The following TMEM271 variants were observed in gnomAD, a reference collection of about 807,000 sequenced individuals.
The protein encoded by TMEM271 is transmembrane protein 271.
Position 574,884 on chromosome 4 carries a change from A to T in TMEM271, c.*21T>A, listed in dbSNP as rs916587606. On this transcript the variant is annotated 3_prime_UTR_variant, in exon 1 of 1. Transcript: ENST00000610212. ...GTGGAACGCAAGCGCGGTCCGCGGG[A>T]TGGGGGTCCGGCCCGCGGGATCAGC... The T allele has an allele frequency of 4.5e-5, 18 of 395,656 alleles. No individual in the cohort carries two copies. The highest frequency in any genetic ancestry group is 7.6e-5 in the Non-Finnish European group (17 of 224,250). The allele number at this position is 395,656 out of a possible 1,614,324, so 24.5% of individuals were successfully genotyped here. A position where few individuals can be genotyped will look rare whatever the true frequency, so the allele number is the denominator to read the frequency against.
chr4:574,679 T>C lies in TMEM271; in HGVS notation c.*226A>G. The C allele has an allele frequency of 2.6e-6, 1 of 387,010 alleles. No individual in the cohort carries two copies. The highest frequency in any genetic ancestry group is 4.6e-6 in the Non-Finnish European group (1 of 219,092). The allele number at this position is 387,010 out of a possible 1,614,324, so 24.0% of individuals were successfully genotyped here. A position where few individuals can be genotyped will look rare whatever the true frequency, so the allele number is the denominator to read the frequency against. ...AACGACACAAATAAGAAGAGAAACC[T>C]CCCAGATACAGAAATGGTCACATCA... On this transcript the variant is annotated 3_prime_UTR_variant, in exon 1 of 1. Coordinates refer to ENST00000610212, the MANE Select transcript of TMEM271 (RefSeq NM_001362796.2).
rs755134155 is a variant in TMEM271, at chr4:574,822, C to G, written c.*83G>C. ...CCTGGACCCCGCCCCGCTGCCCGTC[C>G]TCCCTTGCCGCGGGGGTCCTGAGCG... On this transcript the variant is annotated 3_prime_UTR_variant, in exon 1 of 1. Transcript: ENST00000610212. 691 of 393,776 alleles carry G rather than the reference C, an allele frequency of 1.8e-3. 4 individuals are homozygous for G. The highest frequency in any genetic ancestry group is 8.9e-3 in the Middle Eastern group (14 of 1,572). 24.4% of individuals were successfully genotyped at this position (393,776 alleles called of 1,614,324 possible).
Position 575,527 on chromosome 4 carries a change from G to A in TMEM271, c.536C>T (p.Pro179Leu), listed in dbSNP as rs1214668935. 5 of 311,788 alleles carry A rather than the reference G, an allele frequency of 1.6e-5. No homozygotes were observed. The South Asian group carries it at 7.1e-4, about 44-fold the overall frequency. The allele number at this position is 311,788 out of a possible 1,614,324, so 19.3% of individuals were successfully genotyped here. Residue 179 changes from proline to leucine, a missense_variant, in exon 1 of 1, where the codon CCG (proline) becomes CTG (leucine). Coordinates refer to ENST00000610212, the MANE Select transcript of TMEM271 (RefSeq NM_001362796.2). ...SAPGSTPGSAPGSAPGSAPGS... is the reference protein window; with the variant it reads ...SAPGSTPGSALGSAPGSAPGS... ...CGGCGCCGAGCCGGGGGCCGAGCCC[G>A]GGGCCGAGCCGGGGGTTGAGCCCGG... is the stretch of plus-strand genomic sequence containing the variant.
Position 575,600 on chromosome 4 carries a change from G to A in TMEM271, c.463C>T (p.His155Tyr), listed in dbSNP as rs1401614888. The change falls in exon 1 of 1, where the codon CAC becomes TAC. Residue 155 changes from histidine to tyrosine, a missense_variant. Physicochemically the swap from His to Tyr is moderately conservative, Grantham distance 83 (BLOSUM62 2). Coordinates refer to ENST00000610212, the MANE Select transcript of TMEM271 (RefSeq NM_001362796.2). ...GGCGCCCGCGGGGGCAGGCAGTAGT[G>A]CGAGTACTTGCGCTCCACCAGGGAC... ...TVSLVERKYS[H>Y]YCLPPRAPGS... The A allele has an allele frequency of 2.8e-6, 1 of 353,692 alleles. No individual in the cohort carries two copies. Among genetic ancestry groups the A allele is most frequent in the African/African-American group, 2.1e-5 (1 of 46,536 alleles). 21.9% of individuals were successfully genotyped at this position (353,692 alleles called of 1,614,324 possible).
chr4:574,218 C>G lies in TMEM271; in HGVS notation c.*687G>C, dbSNP rs188100778. The G allele has an allele frequency of 6.6e-6, 1 of 152,314 alleles. No individual in the cohort carries two copies. The highest frequency in any genetic ancestry group is 1.5e-5 in the Non-Finnish European group (1 of 68,024). The allele number at this position is 152,314 out of a possible 1,614,324, so 9.4% of individuals were successfully genotyped here. On this transcript the variant is annotated 3_prime_UTR_variant, in exon 1 of 1. Coordinates refer to ENST00000610212, the MANE Select transcript of TMEM271 (RefSeq NM_001362796.2). ...CTGTTCAAACTCAACATTTGTCCGA[C>G]CAAATGAAACCATTTCCCCCCACAC... is the stretch of plus-strand genomic sequence containing the variant.
In TMEM271 at chr4:575,194, C is replaced by A; in HGVS notation, c.869G>T (p.Arg290Leu). 2.7e-6 allele frequency: 1 copy of A among 374,374 alleles called. No homozygotes were observed. The highest frequency in any genetic ancestry group is 1.3e-4 in the South Asian group (1 of 7,698). The allele number at this position is 374,374 out of a possible 1,614,324, so 23.2% of individuals were successfully genotyped here. The change falls in exon 1 of 1, where the codon CGG becomes CTG. Residue 290 changes from arginine (R) to leucine (L), a missense_variant. Coordinates refer to ENST00000610212, the MANE Select transcript of TMEM271 (RefSeq NM_001362796.2). Reference sequence around the variant, plus strand: ...GGCCTCGCTCGGCCGCTGCTGCAGCCGCCGCCCCCGCCGGCCCCGCCGGCC... The same window carrying A: ...GGCCTCGCTCGGCCGCTGCTGCAGCAGCCGCCCCCGCCGGCCCCGCCGGCC... ...RRGRRGRRGRRLQQRPSEASI... is the reference protein window; with the variant it reads ...RRGRRGRRGRLLQQRPSEASI...
Position 575,125 on chromosome 4 carries a change from T to C in TMEM271, c.938A>G (p.Asp313Gly), listed in dbSNP as rs1159651271. The change falls in exon 1 of 1, where the codon GAC (aspartate) becomes GGC (glycine). Residue 313 changes from aspartate (D) to glycine (G), a missense_variant. Transcript: ENST00000610212. ...PEESDLAAPGDCAGFAAHHAV... is the reference protein window; with the variant it reads ...PEESDLAAPGGCAGFAAHHAV... ...GTGGTGCGCCGCGAAGCCCGCGCAG[T>C]CCCCGGGGGCGGCCAGGTCCGACTC... 1 of 394,704 alleles carries C rather than the reference T, an allele frequency of 2.5e-6. No individual in the cohort carries two copies. Among genetic ancestry groups the C allele is most frequent in the Non-Finnish European group, 4.5e-6 (1 of 224,032 alleles). The allele number at this position is 394,704 out of a possible 1,614,324, so 24.5% of individuals were successfully genotyped here.
chr4:574,050 G>A lies in TMEM271; in HGVS notation c.*855C>T, dbSNP rs981184284. 2.7e-5 allele frequency: 4 copies of A among 150,562 alleles called. No individual in the cohort carries two copies. Among genetic ancestry groups the A allele is most frequent in the Non-Finnish European group, 4.4e-5 (3 of 67,874 alleles). 9.3% of individuals were successfully genotyped at this position (150,562 alleles called of 1,614,324 possible). A position where few individuals can be genotyped will look rare whatever the true frequency, so the allele number is the denominator to read the frequency against. On this transcript the variant is annotated 3_prime_UTR_variant, in exon 1 of 1. Transcript: ENST00000610212. ...AATCAAAAATAAGATCTGCTTTGCA[G>A]TCGAAACCACACAACCAGTTTCCAA...
Position 574,210 on chromosome 4 carries a change from T to A in TMEM271, c.*695A>T, listed in dbSNP as rs1466089875. On this transcript the variant is annotated 3_prime_UTR_variant, in exon 1 of 1. Coordinates refer to ENST00000610212, the MANE Select transcript of TMEM271 (RefSeq NM_001362796.2). ...GAATACAACTGTTCAAACTCAACAT[T>A]TGTCCGACCAAATGAAACCATTTCC... 6.6e-6 allele frequency: 1 copy of A among 152,254 alleles called. No homozygotes were observed. The highest frequency in any genetic ancestry group is 1.9e-4 in the East Asian group (1 of 5,204). 9.4% of individuals were successfully genotyped at this position (152,254 alleles called of 1,614,324 possible).
In TMEM271 at chr4:575,529, G is replaced by GGCCGAGCCCGGC. The variant is rs1420191708; in HGVS notation, c.533_534insGCCGGGCTCGGC (p.Ser189_Gly192dup). The GGCCGAGCCCGGC allele has an allele frequency of 3.2e-6, 1 of 315,202 alleles. No individual in the cohort carries two copies. Among genetic ancestry groups the GGCCGAGCCCGGC allele is most frequent in the Non-Finnish European group, 5.8e-6 (1 of 172,606 alleles). 19.5% of individuals were successfully genotyped at this position (315,202 alleles called of 1,614,324 possible). ...GCGCCGAGCCGGGGGCCGAGCCCGGGGCCGAGCCGGGGGTTGAGCCCGGGG... is the reference window on the plus strand; with the variant it reads ...GCGCCGAGCCGGGGGCCGAGCCCGGGGCCGAGCCCGGCGCCGAGCCGGGGGTTGAGCCCGGGG... On this transcript the variant is annotated inframe_insertion, in exon 1 of 1. Transcript: ENST00000610212.
In TMEM271 at chr4:575,769, G is replaced by A. The variant is rs1003798830; in HGVS notation, c.294C>T (p.Pro98=). The change falls in exon 1 of 1, where the codon CCC becomes CCT. Residue 98 remains proline, a synonymous_variant. Transcript: ENST00000610212. Reference sequence around the variant, plus strand: ...CCCCCGACTCGCCCGGCGTGGCCTCGGGAGCGCCTGCCGGCGCCGCGGGGA... The same window carrying A: ...CCCCCGACTCGCCCGGCGTGGCCTCAGGAGCGCCTGCCGGCGCCGCGGGGA... ...LGVPAAPAGA[P]EATPGESGAA... 1.1e-5 allele frequency: 4 copies of A among 360,518 alleles called. No homozygotes were observed. Among genetic ancestry groups the A allele is most frequent in the African/African-American group, 4.3e-5 (2 of 46,706 alleles). 22.3% of individuals were successfully genotyped at this position (360,518 alleles called of 1,614,324 possible).
At position 576,198 on chromosome 4, in the gene TMEM271, G is replaced by GCCGC. The variant is rs1732434052; in HGVS notation, c.-137_-136insGCGG. The GCCGC allele has an allele frequency of 7.1e-6, 1 of 140,822 alleles. No homozygotes were observed. Among genetic ancestry groups the GCCGC allele is most frequent in the Admixed American group, 7.1e-5 (1 of 14,134 alleles). 8.7% of individuals were successfully genotyped at this position (140,822 alleles called of 1,614,324 possible). On this transcript the variant is annotated 5_prime_UTR_variant, in exon 1 of 1. The change abolishes the stop of an existing upstream ORF in the 5' untranslated region. Transcript: ENST00000610212. Reference sequence around the variant, plus strand: ...CATCCTCCCGCGTCCTCCCGGGCCCGCGCCGCCGCCGCCGGAGCCCGCATC... The same window carrying GCCGC: ...CATCCTCCCGCGTCCTCCCGGGCCCGCCGCCGCCGCCGCCGCCGGAGCCCGCATC...
rs1204907617 is a variant in TMEM271 at position 576,133 on chromosome 4, T to G, written c.-71A>C. 7 of 105,244 alleles carry G rather than the reference T, an allele frequency of 6.7e-5. No homozygotes were observed. The highest frequency in any genetic ancestry group is 1.4e-4 in the Non-Finnish European group (7 of 49,698). The allele number at this position is 105,244 out of a possible 1,614,324, so 6.5% of individuals were successfully genotyped here. A position where few individuals can be genotyped will look rare whatever the true frequency, so the allele number is the denominator to read the frequency against. ...CGCCGCCGCCCCCGCCGCCTGCGCC[T>G]CCTCCCGGCGCCGCGCGGCCGGACC... On this transcript the variant is annotated 5_prime_UTR_variant, in exon 1 of 1. Transcript: ENST00000610212.
rs1732418812 is a variant in TMEM271 at position 575,550 on chromosome 4, C to T, written c.513G>A (p.Pro171=). The T allele has an allele frequency of 9.1e-6, 3 of 330,804 alleles. No individual in the cohort carries two copies. The highest frequency in any genetic ancestry group is 8.9e-5 in the East Asian group (2 of 22,454). The allele number at this position is 330,804 out of a possible 1,614,324, so 20.5% of individuals were successfully genotyped here. The change falls in exon 1 of 1, where the codon CCG becomes CCA. Residue 171 remains proline (P), a synonymous_variant. Coordinates refer to ENST00000610212, the MANE Select transcript of TMEM271 (RefSeq NM_001362796.2). The part of the protein sequence containing the change: ...RAPGSSPGSA[P]GSTPGSAPGS... Reference sequence around the variant, plus strand: ...CCGGGGCCGAGCCGGGGGTTGAGCCCGGGGCCGAGCCGGGGCTCGAACCTG... The same window carrying T: ...CCGGGGCCGAGCCGGGGGTTGAGCCTGGGGCCGAGCCGGGGCTCGAACCTG...
In TMEM271 at chr4:574,713, C is replaced by G. The variant is rs576215411; in HGVS notation, c.*192G>C. ...CAGAAATGGTCACATCAGGGGCCCC[C>G]TCCTGTGGTCACGGAGCCCGCAGAG... On this transcript the variant is annotated 3_prime_UTR_variant, in exon 1 of 1. Coordinates refer to ENST00000610212, the MANE Select transcript of TMEM271 (RefSeq NM_001362796.2). 124 of 390,974 alleles carry G rather than the reference C, an allele frequency of 3.2e-4. No homozygotes were observed. The highest frequency in any genetic ancestry group is 1.9e-3 in the South Asian group (13 of 6,972). The allele number at this position is 390,974 out of a possible 1,614,324, so 24.2% of individuals were successfully genotyped here. A position where few individuals can be genotyped will look rare whatever the true frequency, so the allele number is the denominator to read the frequency against.
rs1426531835 is a variant in TMEM271 at position 575,795 on chromosome 4, C to T, written c.268G>A (p.Val90Ile). 4 of 363,630 alleles carry T rather than the reference C, an allele frequency of 1.1e-5. No homozygotes were observed. The highest frequency in any genetic ancestry group is 1.5e-5 in the Non-Finnish European group (3 of 203,776). The allele number at this position is 363,630 out of a possible 1,614,324, so 22.5% of individuals were successfully genotyped here. ...GGAGCGCCTGCCGGCGCCGCGGGGA[C>T]CCCCAAACCCGGGCCCGGTTCCGAC... ...AGSEPGPGLG[V>I]PAAPAGAPEA... is the part of the protein sequence containing the mutation. The change falls in exon 1 of 1, where the codon GTC becomes ATC. Residue 90 changes from valine to isoleucine, a missense_variant. Transcript: ENST00000610212.
Position 575,668 on chromosome 4 carries a change from A to G in TMEM271, c.395T>C (p.Val132Ala). Residue 132 changes from valine (V) to alanine (A), a missense_variant, in exon 1 of 1, where the codon GTC (valine) becomes GCC (alanine). By Grantham distance (64) the Val-to-Ala change is moderately conservative. Transcript: ENST00000610212. ...CACGGCGCCCGCGAATGCGCTGAGG[A>G]CCCCGAGCATGAAGACCAGGACGCC... ...LLGVLVFMLG[V>A]LSAFAGAVID... is the part of the protein sequence containing the mutation. 2.8e-6 allele frequency: 1 copy of G among 357,988 alleles called. No individual in the cohort carries two copies. The allele number at this position is 357,988 out of a possible 1,614,324, so 22.2% of individuals were successfully genotyped here.
chr4:574,931 G>T lies in TMEM271; in HGVS notation c.1132C>A (p.Pro378Thr). 2.5e-6 allele frequency: 1 copy of T among 396,848 alleles called. No individual in the cohort carries two copies. The highest frequency in any genetic ancestry group is 3.6e-5 in the East Asian group (1 of 27,946). 24.6% of individuals were successfully genotyped at this position (396,848 alleles called of 1,614,324 possible). ...CCRPPCETPR[P>T]WETHRAC ...CAGCAGGCCCGATGGGTCTCCCAGG[G>T]CCGCGGCGTCTCGCAGGGCGGCCGG... The change falls in exon 1 of 1, where the codon CCC (proline) becomes ACC (threonine). Residue 378 changes from proline to threonine, a missense_variant. Transcript: ENST00000610212.
Position 575,657 on chromosome 4 carries a change from A to C in TMEM271, c.406T>G (p.Phe136Val). ...TCGCCGTCGATCACGGCGCCCGCGA[A>C]TGCGCTGAGGACCCCGAGCATGAAG... ...LVFMLGVLSA[F>V]AGAVIDGDTV... The change falls in exon 1 of 1, where the codon TTC becomes GTC. Residue 136 changes from phenylalanine to valine, a missense_variant. Phe to Val is a conservative substitution (Grantham distance 50). Coordinates refer to ENST00000610212, the MANE Select transcript of TMEM271 (RefSeq NM_001362796.2). 2.8e-6 allele frequency: 1 copy of C among 357,290 alleles called. No homozygotes were observed. The highest frequency in any genetic ancestry group is 5.0e-6 in the Non-Finnish European group (1 of 199,270). 22.1% of individuals were successfully genotyped at this position (357,290 alleles called of 1,614,324 possible).
Sources: gnomAD v4.1 joint callset for allele counts on GRCh38, gnomAD v4.1.1 for gene constraint, MANE v1.5 for transcripts, NCBI Gene and HGNC (gene_info 2026-07-23, HGNC 2026-07-21) for gene names.